METTL25: variants seen among roughly 807,000 people sequenced by gnomAD.
METTL25 encodes the protein probable methyltransferase-like protein 25.
In METTL25, 64 loss-of-function variants were observed where a neutral mutation model predicts 71.6. The observed-to-expected ratio is 0.89, with a 90% CI of 0.73 to 1.10. The LOEUF is 1.10. METTL25 is among the 50% of genes least tolerant of loss of function. The probability of loss-of-function intolerance (pLI) is 0.00; values close to 1 mark genes in which losing one functional copy is unlikely to be tolerated. For missense variants in METTL25, 807 were observed against 707.0 expected (o/e 1.14, Z -1.60); for synonymous variants, 287 against 250.3 (o/e 1.15, Z -1.38).
rs376105404 is a variant in METTL25 at position 82,398,885 on chromosome 12, A to G, written c.622A>G (p.Thr208Ala). 2.7e-5 allele frequency: 44 copies of G among 1,610,228 alleles called. No homozygotes were observed. The East Asian group carries it at 7.4e-4, about 27-fold the overall frequency. ...AGTTTATGGAATTGATTCTTCAAAT[A>G]CCAATACTCATGGAGCTGAGGAGAG... ...LKVYGIDSSN[T>A]NTHGAEERNR... is the part of the protein sequence containing the mutation. Residue 208 changes from threonine to alanine, a missense_variant, in exon 4 of 12, where the codon ACC becomes GCC. By Grantham distance (58) the Thr-to-Ala change is moderately conservative. Transcript: ENST00000248306.
intron 3 of METTL25, among the ~76,000 whole-genome samples, chr12:82,390,361 G>T (rs1885457747): frequency 6.6e-6 from 1 of 151,878 alleles, no homozygotes; most frequent in Non-Finnish European, 1.5e-5. Flanking sequence ...TTTAAGACTT[G>T]GATTATATCA....
intron 7 of METTL25, 54 bp downstream of exon 7, chr12:82,434,778 C>T: frequency 7.4e-7 from 1 of 1,354,026 alleles, no homozygotes; most frequent in Non-Finnish European, 1.1e-6. Flanking sequence ...AAGTACTCTT[C>T]ATACTTGACC....
At chr12:82,421,930 A>G (rs1490323533) in intron 5 of METTL25, among the ~76,000 whole-genome samples, 1 of 152,228 alleles carries the variant, frequency 6.6e-6, no homozygotes, top group Non-Finnish European at 1.5e-5. Context: ...AAAAAAGTCC[A>G]GGACCTGACG....
chr12:82,417,454 T>C (rs1426456132), intron 5 of METTL25, among the ~76,000 whole-genome samples: 2 of 152,200 alleles, frequency 1.3e-5, no homozygotes, highest in East Asian at 3.9e-4. Context: ...GCATATACGT[T>C]AAAAAGTTAA....
intron 1 of METTL25, among the ~76,000 whole-genome samples, chr12:82,383,819 T>C (rs149200464): frequency 1.2e-3 from 184 of 152,322 alleles, no homozygotes; most frequent in African/African-American, 4.4e-3. Flanking sequence ...ATATGACTCT[T>C]CTATCTTTGT....
chr12:82,427,485 A>C (rs1282612001), intron 5 of METTL25, among the ~76,000 whole-genome samples: 2 of 151,872 alleles, frequency 1.3e-5, no homozygotes, highest in Admixed American at 1.3e-4. Context: ...ATCTAATGTT[A>C]AGTAGTATTT....
chr12:82,417,936 GT>G (rs1375062846), intron 5 of METTL25, among the ~76,000 whole-genome samples: 1 of 152,072 alleles, frequency 6.6e-6, no homozygotes, highest in Non-Finnish European at 1.5e-5. Context: ...GGAACAGCAA[GT>G]AAAAAACCCA....
At chr12:82,364,849 T>A (rs1332477493) in intron 1 of METTL25, among the ~76,000 whole-genome samples, 3 of 152,194 alleles carry the variant, frequency 2.0e-5, no homozygotes, top group African/African-American at 7.2e-5. Context: ...GCCATATTAA[T>A]AAATAACATA....
chr12:82,438,798 G>T lies in METTL25; in HGVS notation c.1478+7G>T. The T allele has an allele frequency of 6.7e-7, 1 of 1,488,308 alleles. No individual in the cohort carries two copies. Among genetic ancestry groups the T allele is most frequent in the South Asian group, 1.3e-5 (1 of 79,426 alleles). 92.2% of individuals were successfully genotyped at this position (1,488,308 alleles called of 1,614,324 possible). A position where few individuals can be genotyped will look rare whatever the true frequency, so the allele number is the denominator to read the frequency against. ...GTTATGGCATCACCAAATGGTATGAGGATTTTATTTTAATAAGAATAACTA... is the reference window on the plus strand; with the variant it reads ...GTTATGGCATCACCAAATGGTATGATGATTTTATTTTAATAAGAATAACTA... On this transcript the variant is annotated splice_region_variant and intron_variant, in intron 8 of 11. Coordinates refer to ENST00000248306, the MANE Select transcript of METTL25 (RefSeq NM_032230.3).
chr12:82,392,704 T>G (rs1885707737), intron 3 of METTL25, among the ~76,000 whole-genome samples: 1 of 152,078 alleles, frequency 6.6e-6, no homozygotes. Flanking sequence ...GAAGAAATCT[T>G]TGCCTAGACC....
At chr12:82,367,901 A>T (rs1882741427) in intron 1 of METTL25, among the ~76,000 whole-genome samples, 1 of 152,192 alleles carries the variant, frequency 6.6e-6, no homozygotes, top group African/African-American at 2.4e-5. Context: ...TGGCTCTGAT[A>T]CTTTAGTACT....
chr12:82,412,904 C>G (rs1887661595), intron 5 of METTL25, among the ~76,000 whole-genome samples: 1 of 151,118 alleles, frequency 6.6e-6, no homozygotes, highest in Non-Finnish European at 1.5e-5. Flanking sequence ...CTGTTGTGCC[C>G]CAGCATTGCA....
intron 1 of METTL25, chr12:82,369,436 G>A (rs1051381569): frequency 6.7e-6 from 3 of 449,938 alleles, no homozygotes; most frequent in Admixed American, 4.8e-5. Context: ...GACCTTTGCG[G>A]TGACTGTTAC....
chr12:82,407,464 G>A (rs1182573958), intron 5 of METTL25, among the ~76,000 whole-genome samples: 2 of 152,082 alleles, frequency 1.3e-5, no homozygotes, highest in Non-Finnish European at 2.9e-5. Flanking sequence ...ATAGTAAACT[G>A]GAAAGGCCTT....
chr12:82,365,223 A>G (rs956723409), intron 1 of METTL25, among the ~76,000 whole-genome samples: 1 of 152,218 alleles, frequency 6.6e-6, no homozygotes, highest in African/African-American at 2.4e-5. Context: ...TATGATAATA[A>G]ATATTAGTTA....
At chr12:82,402,842 C>T (rs1462081621) in intron 4 of METTL25, 141 bp from the exon 5 acceptor site, 6 of 559,986 alleles carry the variant, frequency 1.1e-5, no homozygotes, top group Non-Finnish European at 1.5e-5. Flanking sequence ...GAGTCAGTAG[C>T]ACGTGATATT....
At chr12:82,423,896 G>A (rs937194153) in intron 5 of METTL25, among the ~76,000 whole-genome samples, 6 of 152,182 alleles carry the variant, frequency 3.9e-5, no homozygotes, top group South Asian at 4.1e-4. Context: ...ACAGGTTCTC[G>A]AGAGGATGTG....
chr12:82,375,452 A>T (rs79124987), intron 1 of METTL25, among the ~76,000 whole-genome samples: 11,735 of 151,682 alleles, frequency 0.077, 487 homozygotes, highest in Middle Eastern at 0.13. Context: ...GAAAAAAAAA[A>T]ATATATATAT....
chr12:82,401,149 C>T (rs989406633), intron 4 of METTL25, among the ~76,000 whole-genome samples: 1 of 151,854 alleles, frequency 6.6e-6, no homozygotes, highest in Admixed American at 6.6e-5. Flanking sequence ...TCTATCAGGT[C>T]AAAACCACTT....
Sources: gnomAD v4.1 joint callset for allele counts (sites outside exome capture counted in the v4.1 genomes callset) on GRCh38, gnomAD v4.1.1 for gene constraint, MANE v1.5 for transcripts, NCBI Gene and HGNC (gene_info 2026-07-23, HGNC 2026-07-21) for gene names.